The following SPOCD1 variants were observed in gnomAD, a reference collection of about 807,000 sequenced individuals.
SPOCD1 encodes SPOC domain-containing protein 1.
Under a neutral mutation model 92.2 loss-of-function variants are expected in SPOCD1, and 64 were observed. The ratio of observed to expected loss-of-function variants is 0.69; its 90% CI spans 0.57 to 0.86. SPOCD1 has a LOEUF of 0.86. Among genes scored for constraint, SPOCD1 ranks in the 40% least tolerant of loss-of-function variants. The pLI is 0.00. For synonymous variants in SPOCD1, 578 were observed against 619.3 expected (o/e 0.93, Z 0.99); for missense variants, 1,360 against 1,543.1 (o/e 0.88, Z 1.99).
At position 31,814,556 on chromosome 1, in the gene SPOCD1, A is replaced by C; in HGVS notation, c.778T>G (p.Ser260Ala). 1 of 1,527,370 alleles carries C rather than the reference A, an allele frequency of 6.5e-7. No homozygotes were observed. The highest frequency in any genetic ancestry group is 8.8e-7 in the Non-Finnish European group (1 of 1,136,698). 94.6% of individuals were successfully genotyped at this position (1,527,370 alleles called of 1,614,324 possible). The change falls in exon 2 of 16, where the codon TCT becomes GCT. Residue 260 changes from serine to alanine, a missense_variant. Transcript: ENST00000360482. The surrounding 1 kb of genome is among the most constrained non-coding windows in gnomAD (Gnocchi z 4.2). ...ESLGGPCRPPSPKDTGSGPGE... is the reference protein window; with the variant it reads ...ESLGGPCRPPAPKDTGSGPGE... ...GGCCCAGACCCAGTGTCTTTTGGAG[A>C]GGGAGGTCTGCAAGGGCCTCCCAAG...
At chr1:31,800,338 G>A (rs781370369) in intron 4 of SPOCD1, 103 bp downstream of exon 4, 86 of 1,432,846 alleles carry the variant, frequency 6.0e-5, no homozygotes, top group East Asian at 3.5e-4. Context: ...CTGAATGACC[G>A]CGAGCAAGTG....
At chr1:31,801,857 G>T in intron 2 of SPOCD1, 152 bp from the exon 3 acceptor site, 1 of 714,916 alleles carries the variant, frequency 1.4e-6, no homozygotes, top group South Asian at 1.6e-5. Context: ...CATCAAAGGG[G>T]AAATGGTTAA....
In SPOCD1 at chr1:31,798,431, G is replaced by T. The variant is rs1648185521; in HGVS notation, c.2028+11C>A. 4 of 1,602,662 alleles carry T rather than the reference G, an allele frequency of 2.5e-6. No homozygotes were observed. On this transcript the variant is annotated intron_variant, in intron 8 of 15. Transcript: ENST00000360482. This position sits in a 1 kb window ranked among gnomAD's most constrained non-coding sequence, Gnocchi z 4.1. ...GAGAGGGGACGCAGCCCAGCCCAAA[G>T]CCCTGCTCACCAGGTTCCTGGGGTC...
Position 31,792,719 on chromosome 1 carries a change from C to A in SPOCD1, c.2734G>T (p.Val912Phe). The A allele has an allele frequency of 1.2e-6, 2 of 1,608,278 alleles. No individual in the cohort carries two copies. Among genetic ancestry groups the A allele is most frequent in the South Asian group, 2.2e-5 (2 of 89,574 alleles). ...RSAGCIPSNI[V>F]WDLLASICPA... ...CAGATGCTGGCCAGAAGGTCCCAGA[C>A]AATGTTGGAGGGGATGCAGCCTGCC... Residue 912 changes from valine to phenylalanine, a missense_variant, in exon 14 of 16, where the codon GTC becomes TTC. Val to Phe is a conservative substitution (Grantham distance 50, BLOSUM62 -1). Coordinates refer to ENST00000360482, the MANE Select transcript of SPOCD1 (RefSeq NM_144569.7).
At chr1:31,805,185 C>A (rs1275870052) in intron 2 of SPOCD1, among the ~76,000 whole-genome samples, 1 of 151,520 alleles carries the variant, frequency 6.6e-6, no homozygotes, top group Non-Finnish European at 1.5e-5. Context: ...AGGGTTTCAC[C>A]GTGTTAGCCA....
intron 2 of SPOCD1, among the ~76,000 whole-genome samples, chr1:31,813,171 G>A (rs111393110): frequency 8.5e-5 from 13 of 152,320 alleles, no homozygotes; most frequent in South Asian, 6.2e-4. Context: ...TGGGGCTAAC[G>A]CCTATCTTAC....
chr1:31,799,386 G>A lies in SPOCD1; in HGVS notation c.1868+15C>T. On this transcript the variant is annotated intron_variant, in intron 7 of 15. Coordinates refer to ENST00000360482, the MANE Select transcript of SPOCD1 (RefSeq NM_144569.7). ...GGCCCTTGGGATGTCAGGGGAGTGG[G>A]GAGCAAGGCCTCACCGAGTCCATAG... 2.5e-6 allele frequency: 4 copies of A among 1,600,244 alleles called. No homozygotes were observed. Among genetic ancestry groups the A allele is most frequent in the Non-Finnish European group, 3.4e-6 (4 of 1,173,452 alleles).
Position 31,792,848 on chromosome 1 carries a change from C to T in SPOCD1, c.2686-81G>A, listed in dbSNP as rs551103947. On this transcript the variant is annotated intron_variant, in intron 13 of 15. Transcript: ENST00000360482. ...GACGCATTCCCAGCCACCTGGAAGG[C>T]TGCAGCCTGTGGCAAATATGGGCAG... 67 of 1,164,242 alleles carry T rather than the reference C, an allele frequency of 5.8e-5. 1 individual carries two copies. The South Asian group carries it at 8.6e-4, about 15-fold the overall frequency. The allele number at this position is 1,164,242 out of a possible 1,614,324, so 72.1% of individuals were successfully genotyped here. A position where few individuals can be genotyped will look rare whatever the true frequency, so the allele number is the denominator to read the frequency against.
chr1:31,804,140 T>C (rs1211585442), intron 2 of SPOCD1, among the ~76,000 whole-genome samples: 1 of 152,226 alleles, frequency 6.6e-6, no homozygotes. Flanking sequence ...AGCTAACACT[T>C]GACTAGCACT....
intron 2 of SPOCD1, among the ~76,000 whole-genome samples, chr1:31,803,148 C>T (rs1322526317): frequency 6.6e-6 from 1 of 151,906 alleles, no homozygotes; most frequent in Non-Finnish European, 1.5e-5. Context: ...ATGAGATGAG[C>T]GAAGCCTTTC....
chr1:31,800,210 A>G (rs1648351326), intron 4 of SPOCD1, 69 bp from the exon 5 acceptor site: 1 of 1,522,090 alleles, frequency 6.6e-7, no homozygotes, highest in South Asian at 1.3e-5. Context: ...CCCCAGATGT[A>G]CTGGAGGCCC....
At chr1:31,807,989 G>A (rs1648953275) in intron 2 of SPOCD1, among the ~76,000 whole-genome samples, 1 of 152,196 alleles carries the variant, frequency 6.6e-6, no homozygotes, top group African/African-American at 2.4e-5. Context: ...AATTGAATCA[G>A]TAGGGAAGGA....
In SPOCD1 at chr1:31,790,931, C is replaced by T. The variant is rs1303284853; in HGVS notation, c.3323G>A (p.Arg1108Gln). The T allele has an allele frequency of 3.8e-6, 6 of 1,574,676 alleles. No homozygotes were observed. Among genetic ancestry groups the T allele is most frequent in the Admixed American group, 1.9e-5 (1 of 53,844 alleles). ...GCCTGGCTCTGGGGGCCACTGCCCT[C>T]GCCCAGGATGCTGCCAGTTTTCAGG... ...PEPENWQHPG[R>Q]GQWPPEPGLR... Residue 1108 changes from arginine to glutamine, a missense_variant, in exon 16 of 16, where the codon CGA (arginine) becomes CAA (glutamine). Arg to Gln is a conservative substitution (Grantham distance 43). Transcript: ENST00000360482.
rs200509383 is a variant in SPOCD1 at position 31,814,143 on chromosome 1, G to A, written c.1191C>T (p.Leu397=). The change falls in exon 2 of 16, where the codon CTC becomes CTT. Residue 397 remains leucine (L), a synonymous_variant. Coordinates refer to ENST00000360482, the MANE Select transcript of SPOCD1 (RefSeq NM_144569.7). The surrounding 1 kb of genome is among the most constrained non-coding windows in gnomAD (Gnocchi z 4.2). Reference sequence around the variant, plus strand: ...TGGCTTCAGTATCCAGGGAGGAGCTGAGGCCGCCCAAGGGCTCCCGGGAGC... The same window carrying A: ...TGGCTTCAGTATCCAGGGAGGAGCTAAGGCCGCCCAAGGGCTCCCGGGAGC... The part of the protein sequence containing the change: ...CASSREPLGG[L]SSSLDTEASR... The A allele has an allele frequency of 1.1e-5, 18 of 1,591,732 alleles. No individual in the cohort carries two copies. The Admixed American group carries it at 3.1e-4, about 27-fold the overall frequency.
chr1:31,795,697 A>C (rs973362618), intron 10 of SPOCD1: 2 of 152,174 alleles, frequency 1.3e-5, no homozygotes, highest in African/African-American at 4.8e-5. Context: ...TAGTGGTAGG[A>C]GTGGGGAGCA....
intron 2 of SPOCD1, among the ~76,000 whole-genome samples, chr1:31,812,045 C>T (rs1270298618): frequency 1.6e-4 from 24 of 152,172 alleles, no homozygotes; most frequent in Admixed American, 1.3e-3. Flanking sequence ...TACAGCAGGA[C>T]GAAATTGCTT....
intron 7 of SPOCD1, among the ~76,000 whole-genome samples, chr1:31,799,102 C>T (rs181120793): frequency 3.3e-5 from 5 of 152,218 alleles, no homozygotes; most frequent in East Asian, 1.9e-4. Flanking sequence ...ATCTCTGAGC[C>T]GCTCCCAGCA....
At chr1:31,812,652 T>A (rs1649277821) in intron 2 of SPOCD1, among the ~76,000 whole-genome samples, 1 of 152,212 alleles carries the variant, frequency 6.6e-6, no homozygotes, top group African/African-American at 2.4e-5. Flanking sequence ...TGGGTATATG[T>A]CAATAGAGTC....
Position 31,791,179 on chromosome 1 carries a change from C to A in SPOCD1, c.3075G>T (p.Gly1025=). 1 of 1,612,428 alleles carries A rather than the reference C, an allele frequency of 6.2e-7. No homozygotes were observed. The highest frequency in any genetic ancestry group is 8.5e-7 in the Non-Finnish European group (1 of 1,179,248). Residue 1025 remains glycine, a synonymous_variant, in exon 16 of 16, where the codon GGG becomes GGT. Coordinates refer to ENST00000360482, the MANE Select transcript of SPOCD1 (RefSeq NM_144569.7). The part of the protein sequence containing the change: ...LPKEGLPDTA[G]SSPWLGKVQK... ...GAACCTTCCCCAACCAGGGGCTGGA[C>A]CCTGCTGTGTCTGGAAGCCCTTCCT...
Sources: gnomAD v4.1 joint callset for allele counts (sites outside exome capture counted in the v4.1 genomes callset) on GRCh38, gnomAD v4.1.1 for gene constraint, Gnocchi (gnomAD v3.1) non-coding constraint, MANE v1.5 for transcripts, NCBI Gene and HGNC (gene_info 2026-07-23, HGNC 2026-07-21) for gene names.